GALNT13: variants seen among roughly 807,000 people sequenced by gnomAD.
GALNT13 encodes the protein UDP-GalNAc:polypeptide N-acetylgalactosaminyltransferase 13.
In GALNT13, 28 loss-of-function variants were observed where a neutral mutation model predicts 64.2. The ratio of observed to expected loss-of-function variants is 0.44; its 90% CI spans 0.32 to 0.60. The LOEUF (loss-of-function observed/expected upper bound fraction) is 0.60. GALNT13 is among the 20% of genes least tolerant of loss of function. The pLI is 0.05. For synonymous variants in GALNT13, 214 were observed against 224.6 expected (o/e 0.95, Z 0.42); for missense variants, 577 against 669.8 (o/e 0.86, Z 1.53).
chr2:154,389,853 G>T (rs1698702274), intron 9 of GALNT13, among the ~76,000 whole-genome samples: 1 of 152,040 alleles, frequency 6.6e-6, no homozygotes, highest in Admixed American at 6.6e-5. Context: ...ATTAGTGAGG[G>T]GTATTAAAGA....
chr2:153,750,003 A>G, the GALNT13 span, among the ~76,000 whole-genome samples: 1 of 151,760 alleles, frequency 6.6e-6, no homozygotes, highest in Non-Finnish European at 1.5e-5. Flanking sequence ...TGTTCCTTCT[A>G]TCTTCAGTTT....
chr2:153,910,387 C>CCTGG, intron 2 of GALNT13, among the ~76,000 whole-genome samples: 1 of 152,178 alleles, frequency 6.6e-6, no homozygotes, highest in East Asian at 1.9e-4. Context: ...AATGCCAACT[C>CCTGG]CTGGATTCAT....
chr2:154,128,758 G>T (rs1017126447), intron 3 of GALNT13, among the ~76,000 whole-genome samples: 1 of 151,908 alleles, frequency 6.6e-6, no homozygotes, highest in African/African-American at 2.4e-5. Flanking sequence ...TTATCAAAAT[G>T]CTCCAATTCA....
At chr2:153,199,488 G>A in the GALNT13 span, among the ~76,000 whole-genome samples, 227 of 152,262 alleles carry the variant, frequency 1.5e-3, no homozygotes, top group African/African-American at 5.3e-3. Context: ...ACTTTCCTGG[G>A]CTGGTCTTAA....
At chr2:154,088,764 T>G (rs1701657235) in intron 3 of GALNT13, among the ~76,000 whole-genome samples, 1 of 152,160 alleles carries the variant, frequency 6.6e-6, no homozygotes, top group South Asian at 2.1e-4. Flanking sequence ...GTGCTTATTT[T>G]AAAATGAAAC....
intron 3 of GALNT13, among the ~76,000 whole-genome samples, chr2:154,115,651 C>A (rs913847472): frequency 2.0e-5 from 3 of 152,064 alleles, no homozygotes; most frequent in African/African-American, 4.8e-5. Context: ...GAACTCCTGA[C>A]CTCAGGTGAT....
chr2:154,267,774 A>C (rs1385610668), intron 8 of GALNT13, among the ~76,000 whole-genome samples: 1 of 152,200 alleles, frequency 6.6e-6, no homozygotes, highest in East Asian at 1.9e-4. Context: ...TAGAAAAAAA[A>C]ACTCTCAAAA....
At chr2:153,652,670 C>A in the GALNT13 span, among the ~76,000 whole-genome samples, 1 of 152,020 alleles carries the variant, frequency 6.6e-6, no homozygotes. Context: ...TGACACGCAC[C>A]TCTGCACCCT....
chr2:154,065,187 G>T (rs888318779), intron 3 of GALNT13, among the ~76,000 whole-genome samples: 1 of 152,040 alleles, frequency 6.6e-6, no homozygotes, highest in Non-Finnish European at 1.5e-5. Context: ...TTGTCTTGTG[G>T]TTTGGGTGCC....
the GALNT13 span, among the ~76,000 whole-genome samples, chr2:153,441,483 G>C: frequency 6.6e-6 from 1 of 152,148 alleles, no homozygotes; most frequent in Non-Finnish European, 1.5e-5. Flanking sequence ...AATTCAGTGA[G>C]GAAAGTCAAT....
chr2:153,255,722 A>C, the GALNT13 span, among the ~76,000 whole-genome samples: 2 of 152,158 alleles, frequency 1.3e-5, no homozygotes, highest in South Asian at 2.1e-4. Context: ...TCCTTCACTT[A>C]TGAAGCTTAG....
chr2:153,957,379 T>G (rs1358185361), intron 3 of GALNT13, among the ~76,000 whole-genome samples: 1 of 152,154 alleles, frequency 6.6e-6, no homozygotes, highest in Non-Finnish European at 1.5e-5. Flanking sequence ...CAACCAGCAG[T>G]GGAGTCACTG....
the GALNT13 span, among the ~76,000 whole-genome samples, chr2:153,451,390 T>G: frequency 1.3e-5 from 2 of 152,314 alleles, no homozygotes; most frequent in African/African-American, 4.8e-5. Flanking sequence ...TGTACATAAT[T>G]TTTCTCTTCT....
chr2:153,121,050 AAT>A, the GALNT13 span, among the ~76,000 whole-genome samples: 2 of 152,150 alleles, frequency 1.3e-5, no homozygotes, highest in Non-Finnish European at 1.5e-5. Context: ...AGACCACCAA[AAT>A]ACTGGGCCTC....
At chr2:154,359,374 T>A (rs1374218783) in intron 9 of GALNT13, among the ~76,000 whole-genome samples, 1 of 151,670 alleles carries the variant, frequency 6.6e-6, no homozygotes, top group African/African-American at 2.4e-5. Context: ...GAGCCAAGAG[T>A]GAGCAGGTGG....
At chr2:153,997,341 C>T (rs1695587116) in intron 3 of GALNT13, among the ~76,000 whole-genome samples, 1 of 151,854 alleles carries the variant, frequency 6.6e-6, no homozygotes, top group Non-Finnish European at 1.5e-5. Flanking sequence ...TTCATTTTTT[C>T]ATTAGCATTT....
the GALNT13 span, among the ~76,000 whole-genome samples, chr2:153,376,305 G>A: frequency 4.8e-4 from 73 of 152,246 alleles, 1 homozygote; most frequent in South Asian, 0.015. Flanking sequence ...CTTAAACATC[G>A]TTCAGTATCA....
intron 3 of GALNT13, among the ~76,000 whole-genome samples, chr2:154,033,899 A>G (rs1698496307): frequency 6.6e-6 from 1 of 152,156 alleles, no homozygotes; most frequent in East Asian, 1.9e-4. Flanking sequence ...AGATTGTGCC[A>G]TTGCACTCCA....
At chr2:154,419,988 T>C (rs1700180702) in intron 11 of GALNT13, among the ~76,000 whole-genome samples, 1 of 152,144 alleles carries the variant, frequency 6.6e-6, no homozygotes, top group South Asian at 2.1e-4. Context: ...TGATATTCTG[T>C]TTTTTAATGT....
Sources: allele counts gnomAD v4.1 joint callset (sites outside exome capture counted in the v4.1 genomes callset), GRCh38; gene constraint gnomAD v4.1.1; transcripts MANE v1.5; gene names NCBI Gene and HGNC (gene_info 2026-07-23, HGNC 2026-07-21).